The following BBS9 variants were observed in gnomAD, a reference collection of about 807,000 sequenced individuals.
BBS9 encodes the protein protein PTHB1.
BBS9 carries 89 observed loss-of-function variants against 117.7 expected under a neutral mutation model. The observed-to-expected ratio is 0.76, with a 90% confidence interval of 0.64 to 0.90. The LOEUF (loss-of-function observed/expected upper bound fraction) is 0.90, where lower values mean the gene tolerates loss of function less well. BBS9 is among the 40% of genes least tolerant of loss of function. BBS9 has a pLI of 0.00. For synonymous variants in BBS9, 379 were observed against 370.9 expected (o/e 1.02, Z -0.25); for missense variants, 982 against 1,042.2 (o/e 0.94, Z 0.80).
At chr7:33,192,579 A>G (rs745357543) in intron 5 of BBS9, among the ~76,000 whole-genome samples, 9 of 152,226 alleles carry the variant, frequency 5.9e-5, no homozygotes, top group Non-Finnish European at 1.2e-4. Flanking sequence ...TATACTTGGA[A>G]TAATGCTCTT....
intron 20 of BBS9, among the ~76,000 whole-genome samples, chr7:33,517,138 GGAGAA>G (rs1847919814): frequency 6.6e-6 from 1 of 152,188 alleles, no homozygotes; most frequent in Non-Finnish European, 1.5e-5. Flanking sequence ...AAAGAAAATG[GGAGAA>G]GAGTTAAACA....
At chr7:33,193,162 GC>G (rs1294530535) in intron 5 of BBS9, among the ~76,000 whole-genome samples, 2 of 152,052 alleles carry the variant, frequency 1.3e-5, no homozygotes, top group African/African-American at 2.4e-5. Flanking sequence ...TTAACAAACT[GC>G]CCCTCAATTA....
At chr7:33,272,867 A>T in intron 7 of BBS9, 145 bp from the exon 8 acceptor site, 1 of 849,268 alleles carries the variant, frequency 1.2e-6, no homozygotes. Context: ...ATAGTGATAA[A>T]AAAAAGAATA....
intron 21 of BBS9, among the ~76,000 whole-genome samples, chr7:33,540,842 ATC>A (rs1379996520): frequency 1.2e-4 from 19 of 152,236 alleles, no homozygotes; most frequent in East Asian, 3.9e-4. Context: ...CCATCTCTGT[ATC>A]TCCTCTTGAG....
rs776807555 is a variant in BBS9, at chr7:33,352,923, G to A, written c.1552+50G>A. 9 of 1,558,286 alleles carry A rather than the reference G, an allele frequency of 5.8e-6. No individual in the cohort carries two copies. In the South Asian group the frequency reaches 1.0e-4, roughly 17 times the overall value. Reference sequence around the variant, plus strand: ...AAAATGAATTTCAGAACTGAAATTTGATGAATTGAATTGGTATTATACCAT... The same window carrying A: ...AAAATGAATTTCAGAACTGAAATTTAATGAATTGAATTGGTATTATACCAT... On this transcript the variant is annotated intron_variant, in intron 15 of 22. Transcript: ENST00000242067.
intron 21 of BBS9, among the ~76,000 whole-genome samples, chr7:33,536,701 C>CCCCGACCCCCGCCTCTG (rs1851474442): frequency 7.3e-6 from 1 of 136,458 alleles, no homozygotes; most frequent in Admixed American, 7.4e-5. Context: ...CCCCGCCTCC[C>CCCCGACCCCCGCCTCTG]CCCACCCCAC....
chr7:33,556,306 T>C (rs1176092667), intron 21 of BBS9, among the ~76,000 whole-genome samples: 1 of 152,206 alleles, frequency 6.6e-6, no homozygotes, highest in Non-Finnish European at 1.5e-5. Context: ...ACTTACTGTG[T>C]TGAATATTAT....
rs144716142 is a variant in BBS9 at position 33,513,514 on chromosome 7, C to T, written c.2298+7869C>T. ...ATTTTCATAATGTCTCACATAATTACAGATGCTTGTCCAATAACTGTGTAG... is the reference window on the plus strand; with the variant it reads ...ATTTTCATAATGTCTCACATAATTATAGATGCTTGTCCAATAACTGTGTAG... On this transcript the variant is annotated intron_variant, in intron 20 of 22. Transcript: ENST00000242067. 6.1e-3 allele frequency among the ~76,000 whole-genome samples: 924 copies of T among 152,294 alleles called. 14 individuals are homozygous for T. Among genetic ancestry groups the T allele is most frequent in the African/African-American group, 0.021 (865 of 41,560 alleles).
At chr7:33,616,338 T>A (rs1405177583) in intron 21 of BBS9, among the ~76,000 whole-genome samples, 1 of 150,832 alleles carries the variant, frequency 6.6e-6, no homozygotes, top group Non-Finnish European at 1.5e-5. Context: ...ATTATTTTGT[T>A]GTTATAAGGT....
chr7:33,591,012 A>G (rs1260707706), intron 21 of BBS9, among the ~76,000 whole-genome samples: 1 of 151,958 alleles, frequency 6.6e-6, no homozygotes, highest in Non-Finnish European at 1.5e-5. Flanking sequence ...GCTTGAGTGA[A>G]TGGGTTATGT....
chr7:33,249,934 A>G (rs945829758), intron 5 of BBS9, among the ~76,000 whole-genome samples: 4 of 152,122 alleles, frequency 2.6e-5, no homozygotes, highest in African/African-American at 9.7e-5. Flanking sequence ...CACTCTGCCA[A>G]TCTTTTGCAG....
rs375757123 is a variant in BBS9 at position 33,152,793 on chromosome 7, C to A, written c.205C>A (p.Leu69Ile). 15 of 1,613,770 alleles carry A rather than the reference C, an allele frequency of 9.3e-6. No individual in the cohort carries two copies. Among genetic ancestry groups the A allele is most frequent in the African/African-American group, 2.7e-5 (2 of 74,948 alleles). ...AGATGGAGCTCAAGCCGAAGATTTG[C>A]TTCTAGAAGTGGATCTACGAGATCC... ...TGDGAQAEDL[L>I]LEVDLRDPVL... Residue 69 changes from leucine to isoleucine, a missense_variant, in exon 3 of 23, where the codon CTT becomes ATT. Physicochemically the swap from Leu to Ile is conservative, Grantham distance 5 (BLOSUM62 2). Transcript: ENST00000242067.
chr7:33,432,606 T>A (rs569183814), intron 19 of BBS9, among the ~76,000 whole-genome samples: 1 of 152,162 alleles, frequency 6.6e-6, no homozygotes, highest in Non-Finnish European at 1.5e-5. Flanking sequence ...CTTTATCTCT[T>A]TGTTGTTTTA....
At chr7:33,156,898 C>T (rs545878856) in intron 4 of BBS9, among the ~76,000 whole-genome samples, 1 of 151,930 alleles carries the variant, frequency 6.6e-6, no homozygotes, top group East Asian at 1.9e-4. Context: ...TTTAGTATGC[C>T]AGAGTAAATG....
intron 3 of BBS9, 44 bp downstream of exon 3, chr7:33,152,895 A>C (rs1299685927): frequency 5.7e-6 from 9 of 1,586,702 alleles, no homozygotes; most frequent in Non-Finnish European, 7.8e-6. Flanking sequence ...GGAGTATGTC[A>C]ATCCTTTACA....
At chr7:33,528,644 C>T (rs1850060120) in intron 20 of BBS9, among the ~76,000 whole-genome samples, 1 of 152,172 alleles carries the variant, frequency 6.6e-6, no homozygotes, top group African/African-American at 2.4e-5. Flanking sequence ...GAGTGCCGTA[C>T]CACTTATATA....
chr7:33,243,603 C>T (rs1218627210), intron 5 of BBS9, among the ~76,000 whole-genome samples: 1 of 152,100 alleles, frequency 6.6e-6, no homozygotes, highest in East Asian at 1.9e-4. Context: ...CTCACCTAGG[C>T]CTGAATAGGA....
At chr7:33,154,354 C>A (rs1317567842) in intron 3 of BBS9, among the ~76,000 whole-genome samples, 2 of 152,098 alleles carry the variant, frequency 1.3e-5, no homozygotes, top group Admixed American at 6.6e-5. Context: ...GAGTCAGAAC[C>A]CCCACCTAGG....
intron 21 of BBS9, among the ~76,000 whole-genome samples, chr7:33,597,963 C>A (rs984057718): frequency 1.3e-5 from 2 of 151,768 alleles, no homozygotes; most frequent in Non-Finnish European, 2.9e-5. Flanking sequence ...TTTACATGAT[C>A]TCATGGCATG....
Sources: gnomAD v4.1 joint callset for allele counts (sites outside exome capture counted in the v4.1 genomes callset) on GRCh38, gnomAD v4.1.1 for gene constraint, MANE v1.5 for transcripts, NCBI Gene and HGNC (gene_info 2026-07-23, HGNC 2026-07-21) for gene names.